Variants in DHX8 observed in about 807,000 individuals in gnomAD.
DHX8 encodes the protein ATP-dependent RNA helicase DHX8.
In DHX8, 67 loss-of-function variants were observed where a neutral mutation model predicts 140.7. The observed-to-expected ratio is 0.48, with a 90% CI of 0.39 to 0.58. DHX8 has a LOEUF of 0.58. Ranked by LOEUF, DHX8 falls within the 20% of genes least tolerant of loss-of-function variation. The pLI is 0.00. For synonymous variants in DHX8, 533 were observed against 553.2 expected (o/e 0.96, Z 0.51); for missense variants, 887 against 1,550.7 (o/e 0.57, Z 7.19).
chr17:43,493,784 C>G lies in DHX8; in HGVS notation c.1110C>G (p.Pro370=), dbSNP rs755921581. Residue 370 remains proline, a synonymous_variant, in exon 8 of 23, where the codon CCC becomes CCG. Coordinates refer to ENST00000262415, the MANE Select transcript of DHX8 (RefSeq NM_004941.3). ...EETSMRNPDR[P]THLSLVSAPE... ...CCTCAATGCGGAATCCTGATAGACC[C>G]ACTCACTTGTCCCTTGTCAGTGCTC... 6.2e-7 allele frequency: 1 copy of G among 1,614,194 alleles called. No individual in the cohort carries two copies. Among genetic ancestry groups the G allele is most frequent in the Non-Finnish European group, 8.5e-7 (1 of 1,180,034 alleles).
At chr17:43,528,653 T>C, downstream of DHX8, 3 of 1,614,068 alleles carry the variant, frequency 1.9e-6, no homozygotes, top group Non-Finnish European at 2.5e-6. Flanking sequence ...AACTCAGCCT[T>C]GAGAGCTGGA....
downstream of DHX8, chr17:43,525,861 C>T (rs1970594318): frequency 3.6e-6 from 3 of 838,202 alleles, no homozygotes; most frequent in Non-Finnish European, 4.3e-6. Context: ...CCAGCACTGA[C>T]AATGTTGACA....
Position 43,492,886 on chromosome 17 carries a change from G to T in DHX8, c.709G>T (p.Asp237Tyr), listed in dbSNP as rs768523273. ...TCAGAGTCCCCCCAAAGACCGGAAGGACCGGGACAAATATGGAGAGCGGAA... is the reference window on the plus strand; with the variant it reads ...TCAGAGTCCCCCCAAAGACCGGAAGTACCGGGACAAATATGGAGAGCGGAA... ...RSQSPPKDRKDRDKYGERNLD... is the reference protein window; with the variant it reads ...RSQSPPKDRKYRDKYGERNLD... Residue 237 changes from aspartate to tyrosine, a missense_variant, in exon 6 of 23, where the codon GAC becomes TAC. By Grantham distance (160) the Asp-to-Tyr change is radical. This residue lies in a region of DHX8 where 304 missense variants were observed against 306.9 expected (regional missense o/e 0.99). Coordinates refer to ENST00000262415, the MANE Select transcript of DHX8 (RefSeq NM_004941.3). 1.2e-6 allele frequency: 2 copies of T among 1,614,222 alleles called. No individual in the cohort carries two copies. The highest frequency in any genetic ancestry group is 3.3e-5 in the Admixed American group (2 of 60,026).
chr17:43,488,444 T>G (rs1968306235), intron 1 of DHX8, among the ~76,000 whole-genome samples: 1 of 151,388 alleles, frequency 6.6e-6, no homozygotes, highest in Admixed American at 6.6e-5. Context: ...ACCCTGTCTC[T>G]GCTAAAAATA....
chr17:43,533,856 C>T (rs1450884229), intron 2 of DHX8: 2 of 1,606,838 alleles, frequency 1.2e-6, no homozygotes, highest in Admixed American at 1.7e-5. Context: ...GGCTGGGGCT[C>T]ACCTGGAGTA....
intron 11 of DHX8, among the ~76,000 whole-genome samples, chr17:43,501,046 G>A (rs976109171): frequency 1.3e-5 from 2 of 151,706 alleles, no homozygotes; most frequent in African/African-American, 4.8e-5. Flanking sequence ...TGGCAACTGG[G>A]GATACGATTT....
chr17:43,524,143 G>A lies in DHX8; in HGVS notation c.*296G>A. On this transcript the variant is annotated 3_prime_UTR_variant, in exon 23 of 23. Coordinates refer to ENST00000262415, the MANE Select transcript of DHX8 (RefSeq NM_004941.3). ...GAAAGGGACAATTTGTGCAGCTCCA[G>A]GATGGGAAGGTGGAGTGGGTGAGCA... The A allele has an allele frequency of 1.6e-6, 2 of 1,243,200 alleles. No individual in the cohort carries two copies. Among genetic ancestry groups the A allele is most frequent in the East Asian group, 4.5e-5 (1 of 22,190 alleles). 77.0% of individuals were successfully genotyped at this position (1,243,200 alleles called of 1,614,324 possible).
At chr17:43,495,603 G>C (rs879900640) in intron 8 of DHX8, among the ~76,000 whole-genome samples, 1 of 152,168 alleles carries the variant, frequency 6.6e-6, no homozygotes, top group East Asian at 1.9e-4. Context: ...AAATGTACCA[G>C]AGTGCTGTGG....
chr17:43,536,097 C>G (rs1433298894), intron 2 of DHX8, among the ~76,000 whole-genome samples: 2 of 151,506 alleles, frequency 1.3e-5, no homozygotes, highest in African/African-American at 4.8e-5. Context: ...GGTGACAGAG[C>G]AAGACTCTGT....
chr17:43,519,012 A>G (rs1374635985), intron 18 of DHX8: 2 of 152,214 alleles, frequency 1.3e-5, no homozygotes, highest in Non-Finnish European at 2.9e-5. Context: ...CAGCAGATGG[A>G]CATTTGGATT....
chr17:43,496,552 C>T (rs1298320937), intron 9 of DHX8, among the ~76,000 whole-genome samples: 1 of 152,130 alleles, frequency 6.6e-6, no homozygotes, highest in African/African-American at 2.4e-5. Context: ...CCGAGGCCAG[C>T]AGATCACCTG....
At chr17:43,520,973 T>C in intron 20 of DHX8, 94 bp downstream of exon 20, 1 of 1,300,476 alleles carries the variant, frequency 7.7e-7, no homozygotes, top group South Asian at 1.5e-5. Flanking sequence ...ACTTTTTTTT[T>C]TTTTTTTTTT....
In DHX8 at chr17:43,523,916, G is replaced by A. The variant is rs1329176162; in HGVS notation, c.*69G>A. ...GCTTGGACTTATCGATGACAGGCTG[G>A]TCCTGAGGATACAGCTGTCCCGTGA... On this transcript the variant is annotated 3_prime_UTR_variant, in exon 23 of 23. Transcript: ENST00000262415. 6.3e-7 allele frequency: 1 copy of A among 1,593,126 alleles called. No individual in the cohort carries two copies. The highest frequency in any genetic ancestry group is 1.7e-5 in the Admixed American group (1 of 57,526).
chr17:43,543,570 G>A (rs1971638125), intron 3 of DHX8, among the ~76,000 whole-genome samples: 1 of 152,144 alleles, frequency 6.6e-6, no homozygotes, highest in African/African-American at 2.4e-5. Flanking sequence ...ATCAGGCACT[G>A]GGAAAGGAAG....
rs1969500343 is a variant in DHX8 at position 43,506,457 on chromosome 17, A to AAT, written c.1729-545_1729-544insTA. Reference sequence around the variant, plus strand: ...AACATGGTGAAACCCTGTCTCTACTAAAAGTACAAAAATTAGCCGGGCGTG... The same window carrying AAT: ...AACATGGTGAAACCCTGTCTCTACTAATAAAGTACAAAAATTAGCCGGGCGTG... On this transcript the variant is annotated intron_variant, in intron 12 of 22. Transcript: ENST00000262415. Among the ~76,000 whole-genome samples the AAT allele has an allele frequency of 2.0e-5, 3 of 151,822 alleles. No individual in the cohort carries two copies. In the South Asian group the frequency reaches 6.2e-4, roughly 31 times the overall value.
intron 16 of DHX8, among the ~76,000 whole-genome samples, chr17:43,511,456 A>ATTTTTTTTGTTTTTTTTTTTT (rs1969823736): frequency 1.8e-5 from 1 of 56,790 alleles, no homozygotes; most frequent in African/African-American, 7.7e-5. Context: ...TGATCCCAGC[A>ATTTTTTTTGTTTTTTTTTTTT]TTTTTTTTTT....
chr17:43,529,325 G>T (rs759292567), downstream of DHX8: 408 of 1,438,546 alleles, frequency 2.8e-4, no homozygotes, highest in Non-Finnish European at 3.7e-4. Context: ...GAGATTCTTG[G>T]TGCAAAGTGC....
rs1244393619 is a variant in DHX8 at position 43,524,535 on chromosome 17, G to A, written c.*688G>A. ...GCATCAGCACTAGCCGGGCCGTGCTGGGGGATCACCCGATGATCAACCATG... is the reference window on the plus strand; with the variant it reads ...GCATCAGCACTAGCCGGGCCGTGCTAGGGGATCACCCGATGATCAACCATG... On this transcript the variant is annotated 3_prime_UTR_variant, in exon 23 of 23. Transcript: ENST00000262415. 29 of 986,376 alleles carry A rather than the reference G, an allele frequency of 2.9e-5. No homozygotes were observed. The highest frequency in any genetic ancestry group is 3.5e-5 in the Non-Finnish European group (29 of 830,928). The allele number at this position is 986,376 out of a possible 1,614,324, so 61.1% of individuals were successfully genotyped here.
At chr17:43,490,743 G>A (rs144475088) in intron 3 of DHX8, among the ~76,000 whole-genome samples, 8 of 152,212 alleles carry the variant, frequency 5.3e-5, no homozygotes, top group African/African-American at 1.7e-4. Context: ...GCATGATGGC[G>A]TGCCTCCGTA....
Sources: gnomAD v4.1 joint callset for allele counts (sites outside exome capture counted in the v4.1 genomes callset) on GRCh38, gnomAD v4.1.1 for gene constraint, gnomAD v4.1.1 regional missense constraint, MANE v1.5 for transcripts, NCBI Gene and HGNC (gene_info 2026-07-23, HGNC 2026-07-21) for gene names.